PHKA1: variants seen among roughly 807,000 people sequenced by gnomAD.
PHKA1 encodes the protein phosphorylase kinase regulatory subunit alpha 1.
Under a neutral mutation model 110.2 loss-of-function variants are expected in PHKA1, and 60 were observed. The ratio of observed to expected loss-of-function variants is 0.54; its 90% CI spans 0.44 to 0.68. PHKA1 has a LOEUF of 0.68. Ranked by LOEUF, PHKA1 falls within the 30% of genes least tolerant of loss-of-function variation. The pLI is 0.00. For synonymous variants in PHKA1, 316 were observed against 333.6 expected (o/e 0.95, Z 0.58); for missense variants, 801 against 942.5 (o/e 0.85, Z 1.97).
intron 4 of PHKA1, among the ~76,000 whole-genome samples, chrX:72,694,868 C>T (rs2054087341): frequency 1.8e-5 from 2 of 111,667 alleles, no homozygotes; most frequent in Admixed American, 1.9e-4. Flanking sequence ...TTATAGTTGT[C>T]ATTCTATTTA....
At position 72,605,369 on chromosome X, in the gene PHKA1, C is replaced by T. The variant is rs781891617; in HGVS notation, c.2717G>A (p.Arg906Gln). 7 of 1,207,064 alleles carry T rather than the reference C, an allele frequency of 5.8e-6. No homozygotes were observed. The highest frequency in any genetic ancestry group is 1.8e-5 in the South Asian group (1 of 56,895). ...TTCAGCAAAGAGGCCAGGCTGGGTT[C>T]GCATATACATGGCTAGATATACCAT... is the stretch of plus-strand genomic sequence containing the variant. ...EIMVYLAMYM[R>Q]TQPGLFAEMF... is the part of the protein sequence containing the mutation. Residue 906 changes from arginine to glutamine, a missense_variant, in exon 25 of 32, where the codon CGA (arginine) becomes CAA (glutamine). Arg to Gln is a conservative substitution (Grantham distance 43). Coordinates refer to ENST00000373542, the MANE Select transcript of PHKA1 (RefSeq NM_002637.4).
In PHKA1 at chrX:72,662,296, C is replaced by T. The variant is rs1035939371; in HGVS notation, c.864+3855G>A. 2.7e-5 allele frequency among the ~76,000 whole-genome samples: 3 copies of T among 111,640 alleles called. No individual in the cohort carries two copies. The Admixed American group carries it at 2.8e-4, about 10-fold the overall frequency. On this transcript the variant is annotated intron_variant, in intron 8 of 31. Coordinates refer to ENST00000373542, the MANE Select transcript of PHKA1 (RefSeq NM_002637.4). The stretch of plus-strand genomic sequence containing the variant: ...GTAGTTGGCCCCCCTACTCTGGGGG[C>T]CAGTAGCCATTGTACCTCTCCAACC...
intron 30 of PHKA1, among the ~76,000 whole-genome samples, chrX:72,583,066 G>T (rs1327888061): frequency 2.7e-5 from 3 of 111,859 alleles, no homozygotes; most frequent in Non-Finnish European, 5.6e-5. Flanking sequence ...TTAGAATTAT[G>T]TAAAACATCC....
intron 21 of PHKA1, among the ~76,000 whole-genome samples, chrX:72,612,648 T>C (rs1556262613): frequency 9.0e-6 from 1 of 111,581 alleles, no homozygotes; most frequent in African/African-American, 3.3e-5. Context: ...AATAATGGAA[T>C]GACACAATTA....
intron 18 of PHKA1, 65 bp downstream of exon 18, chrX:72,623,044 G>A (rs1353396319): frequency 1.7e-6 from 2 of 1,200,666 alleles, no homozygotes; most frequent in Non-Finnish European, 2.3e-6. Flanking sequence ...AATTATTAAG[G>A]ATGGTGCTAA....
chrX:72,593,953 T>A (rs1248567496), intron 28 of PHKA1, among the ~76,000 whole-genome samples: 1 of 111,981 alleles, frequency 8.9e-6, no homozygotes, highest in African/African-American at 3.2e-5. Flanking sequence ...AATTTAAAAT[T>A]GAAATCATAC....
chrX:72,584,222 A>G (rs782442802), intron 30 of PHKA1, 27 bp downstream of exon 30: 5 of 1,151,224 alleles, frequency 4.3e-6, no homozygotes, highest in South Asian at 1.8e-5. Flanking sequence ...TATCAGTCAC[A>G]TAAATGTGCA....
intron 14 of PHKA1, among the ~76,000 whole-genome samples, chrX:72,641,614 A>T (rs369294120): frequency 9.0e-6 from 1 of 111,491 alleles, no homozygotes; most frequent in Non-Finnish European, 1.9e-5. Context: ...TTAAAAAAAT[A>T]AAAAAAATGT....
chrX:72,638,981 C>T (rs1432107120), intron 14 of PHKA1, among the ~76,000 whole-genome samples: 10 of 112,011 alleles, frequency 8.9e-5, no homozygotes, highest in East Asian at 2.8e-4. Flanking sequence ...GTTGTAATTA[C>T]TCTCTGAAGC....
At chrX:72,675,770 C>A (rs2053772230) in intron 6 of PHKA1, among the ~76,000 whole-genome samples, 1 of 109,873 alleles carries the variant, frequency 9.1e-6, no homozygotes, top group Non-Finnish European at 1.9e-5. Flanking sequence ...GGAATAAAAG[C>A]CTTCTTTTGC....
At chrX:72,606,634 T>C (rs1423758684) in intron 23 of PHKA1, among the ~76,000 whole-genome samples, 3 of 111,256 alleles carry the variant, frequency 2.7e-5, no homozygotes, top group African/African-American at 9.8e-5. Flanking sequence ...AGATTTTTGA[T>C]ACAGGCATTC....
At position 72,663,736 on chromosome X, in the gene PHKA1, GAA is replaced by G. The variant is rs202031447; in HGVS notation, c.864+2413_864+2414del. Among the ~76,000 whole-genome samples, 12 of 69,468 alleles carry G rather than the reference GAA, an allele frequency of 1.7e-4. No homozygotes were observed. In the East Asian group the frequency reaches 2.0e-3, roughly 12 times the overall value. The allele number at this position is 69,468 out of a possible 115,157, so 60.3% of individuals were successfully genotyped here. On this transcript the variant is annotated intron_variant, in intron 8 of 31. Coordinates refer to ENST00000373542, the MANE Select transcript of PHKA1 (RefSeq NM_002637.4). The stretch of plus-strand genomic sequence containing the variant: ...AATGAGATGATATATTCTAAGAGCT[GAA>G]AAAAAAAAAAAAAAACCTGTCAGGC...
intron 27 of PHKA1, 58 bp downstream of exon 27, chrX:72,602,100 C>T (rs2052665173): frequency 9.2e-7 from 1 of 1,091,352 alleles, no homozygotes; most frequent in South Asian, 1.9e-5. Flanking sequence ...AGTCTGATTC[C>T]AAAAGAATGT....
chrX:72,695,738 G>A lies in PHKA1; in HGVS notation c.424C>T (p.Leu142=). 2 of 1,209,011 alleles carry A rather than the reference G, an allele frequency of 1.7e-6. No individual in the cohort carries two copies. The highest frequency in any genetic ancestry group is 2.2e-6 in the Non-Finnish European group (2 of 894,620). Residue 142 remains leucine, a synonymous_variant, in exon 4 of 32, where the codon CTG becomes TTG. Coordinates refer to ENST00000373542, the MANE Select transcript of PHKA1 (RefSeq NM_002637.4). ...GCAGTCATTTGGGCTAAGAAGAGCA[G>A]GTACACAGAGGTAGCATCCAACTGC... ...HLQLDATSVY[L]LFLAQMTASG...
At chrX:72,641,473 T>C (rs1409780114) in intron 14 of PHKA1, among the ~76,000 whole-genome samples, 2 of 111,981 alleles carry the variant, frequency 1.8e-5, no homozygotes, top group Non-Finnish European at 3.8e-5. Flanking sequence ...CACAAGTGAA[T>C]ATAGGCATGT....
Position 72,713,670 on chromosome X carries a change from T to TCACA in PHKA1, c.78+129_78+132dup, listed in dbSNP as rs58583639. 0.31 allele frequency: 127,984 copies of TCACA among 408,310 alleles called. 7,357 individuals carry two copies. The highest frequency in any genetic ancestry group is 0.36 in the Non-Finnish European group (83,856 of 231,453). The allele number at this position is 408,310 out of a possible 1,213,427, so 33.6% of individuals were successfully genotyped here. A position where few individuals can be genotyped will look rare whatever the true frequency, so the allele number is the denominator to read the frequency against. The stretch of plus-strand genomic sequence containing the variant: ...ACGCGGAGTTCATGCAAGGTCTCCG[T>TCACA]CACACACACACACACACACACACAC... On this transcript the variant is annotated intron_variant, in intron 1 of 31. Transcript: ENST00000373542.
intron 18 of PHKA1, 73 bp from the exon 19 acceptor site, chrX:72,620,974 C>T: frequency 9.3e-7 from 1 of 1,076,411 alleles, no homozygotes; most frequent in Non-Finnish European, 1.3e-6. Flanking sequence ...TCTACCCCAG[C>T]AAAGAGAATG....
intron 5 of PHKA1, among the ~76,000 whole-genome samples, chrX:72,678,042 T>C (rs1227406832): frequency 3.6e-5 from 4 of 111,658 alleles, no homozygotes; most frequent in African/African-American, 1.3e-4. Flanking sequence ...AGAGAGGCCC[T>C]GTCTCAAAAC....
chrX:72,590,748 A>C (rs981265014), intron 29 of PHKA1, among the ~76,000 whole-genome samples: 1 of 112,422 alleles, frequency 8.9e-6, no homozygotes, highest in African/African-American at 3.2e-5. Context: ...AAAAGTGGGC[A>C]AAGGATATGA....
Sources: allele counts gnomAD v4.1 joint callset (sites outside exome capture counted in the v4.1 genomes callset), GRCh38; gene constraint gnomAD v4.1.1; transcripts MANE v1.5; gene names NCBI Gene and HGNC (gene_info 2026-07-23, HGNC 2026-07-21).